ITPRID1: variants seen among roughly 807,000 people sequenced by gnomAD.
ITPRID1 encodes the protein protein ITPRID1.
Under a neutral mutation model 95.4 loss-of-function variants are expected in ITPRID1, and 96 were observed. That is an observed-to-expected ratio of 1.01 (90% confidence interval 0.85 to 1.19). ITPRID1 has a LOEUF of 1.19. Among genes scored for constraint, ITPRID1 ranks in the 50% most tolerant of loss-of-function variants. The probability of loss-of-function intolerance (pLI) is 0.00; values close to 1 mark genes in which losing one functional copy is unlikely to be tolerated. For synonymous variants in ITPRID1, 510 were observed against 453.6 expected (o/e 1.12, Z -1.58); for missense variants, 1,339 against 1,252.9 (o/e 1.07, Z -1.04).
intron 10 of ITPRID1, among the ~76,000 whole-genome samples, chr7:31,601,597 C>T (rs1169651709): frequency 6.6e-6 from 1 of 152,188 alleles, no homozygotes; most frequent in African/African-American, 2.4e-5. Flanking sequence ...ATACTGATTT[C>T]TGTAGTAACA....
intron 6 of ITPRID1, among the ~76,000 whole-genome samples, chr7:31,570,151 A>G (rs1307477504): frequency 2.0e-5 from 3 of 152,340 alleles, no homozygotes; most frequent in Non-Finnish European, 2.9e-5. Context: ...TGGCTAATGT[A>G]ATTGATTATT....
Position 31,632,036 on chromosome 7 carries a change from C to T in ITPRID1, c.1229-10140C>T, listed in dbSNP as rs1443170861. Reference sequence around the variant, plus strand: ...TGAAGGCTTCCAGTAGAAGGTTCCACCATGCTCTTTCCCTGTGGCTTATTC... The same window carrying T: ...TGAAGGCTTCCAGTAGAAGGTTCCATCATGCTCTTTCCCTGTGGCTTATTC... On this transcript the variant is annotated intron_variant, in intron 10 of 14. Coordinates refer to ENST00000615280, the MANE Select transcript of ITPRID1 (RefSeq NM_001257967.3). Among the ~76,000 whole-genome samples, 3 of 152,166 alleles carry T rather than the reference C, an allele frequency of 2.0e-5. No individual in the cohort carries two copies. The East Asian group carries it at 5.8e-4, about 29-fold the overall frequency.
intron 10 of ITPRID1, among the ~76,000 whole-genome samples, chr7:31,611,790 C>G (rs1786880058): frequency 6.6e-6 from 1 of 151,808 alleles, no homozygotes; most frequent in African/African-American, 2.4e-5. Flanking sequence ...TTACAAGATA[C>G]TTTGTCTTTT....
chr7:31,587,179 G>T (rs1785651999), intron 10 of ITPRID1, among the ~76,000 whole-genome samples: 1 of 152,134 alleles, frequency 6.6e-6, no homozygotes, highest in Non-Finnish European at 1.5e-5. Context: ...TATTCAATTA[G>T]GAAAAGAGGA....
intron 10 of ITPRID1, among the ~76,000 whole-genome samples, chr7:31,603,687 G>T (rs1011790611): frequency 6.6e-6 from 1 of 152,064 alleles, no homozygotes; most frequent in African/African-American, 2.4e-5. Flanking sequence ...TTGAATTCAA[G>T]GTCTTTCTTA....
At chr7:31,652,419 A>C in intron 14 of ITPRID1, 99 bp from the exon 15 acceptor site, 1 of 1,466,724 alleles carries the variant, frequency 6.8e-7, no homozygotes, top group South Asian at 1.4e-5. Context: ...CATTCTAGAG[A>C]ATCGACCACC....
At chr7:31,592,890 C>G (rs1785927746) in intron 10 of ITPRID1, among the ~76,000 whole-genome samples, 1 of 152,126 alleles carries the variant, frequency 6.6e-6, no homozygotes, top group South Asian at 2.1e-4. Flanking sequence ...CTAGAATAAG[C>G]AAGGAATAAA....
At chr7:31,616,168 T>C (rs1245975333) in intron 10 of ITPRID1, among the ~76,000 whole-genome samples, 1 of 151,034 alleles carries the variant, frequency 6.6e-6, no homozygotes, top group African/African-American at 2.4e-5. Context: ...CTTACAGTTT[T>C]CAAGAATTAT....
At chr7:31,626,463 A>T (rs1193600106) in intron 10 of ITPRID1, among the ~76,000 whole-genome samples, 1 of 152,158 alleles carries the variant, frequency 6.6e-6, no homozygotes, top group African/African-American at 2.4e-5. Context: ...TTTTCCCACT[A>T]TATTTCTGTT....
intron 10 of ITPRID1, among the ~76,000 whole-genome samples, chr7:31,636,547 A>T (rs1789497896): frequency 6.6e-6 from 1 of 152,082 alleles, no homozygotes; most frequent in South Asian, 2.1e-4. Context: ...TCTTTTACCA[A>T]GGCTCAACCT....
intron 12 of ITPRID1, among the ~76,000 whole-genome samples, chr7:31,649,142 C>T (rs899283657): frequency 2.0e-5 from 3 of 152,220 alleles, no homozygotes; most frequent in Admixed American, 1.3e-4. Flanking sequence ...AGTATAAAAG[C>T]GAGAGGATAG....
intron 1 of ITPRID1, among the ~76,000 whole-genome samples, chr7:31,541,800 T>G (rs1467820752): frequency 6.6e-6 from 1 of 152,190 alleles, no homozygotes; most frequent in African/African-American, 2.4e-5. Flanking sequence ...TTTGACCATA[T>G]GGTAAGATTT....
At position 31,648,591 on chromosome 7, in the gene ITPRID1, A is replaced by G. The variant is rs75436476; in HGVS notation, c.2584-2551A>G. ...AAACACCCCAGTCTTATACCTTTCA[A>G]TCACAAAAGGCTACCCCAAAATAAC... On this transcript the variant is annotated intron_variant, in intron 12 of 14. Transcript: ENST00000615280. 8.2e-3 allele frequency among the ~76,000 whole-genome samples: 1,247 copies of G among 152,250 alleles called. 42 individuals are homozygous for G. Among genetic ancestry groups the G allele is most frequent in the East Asian group, 0.067 (346 of 5,174 alleles).
intron 1 of ITPRID1, among the ~76,000 whole-genome samples, chr7:31,547,262 G>A (rs1423049321): frequency 6.6e-6 from 1 of 152,170 alleles, no homozygotes; most frequent in Non-Finnish European, 1.5e-5. Flanking sequence ...ATATTTTAAT[G>A]GCTCCCGTAT....
intron 1 of ITPRID1, among the ~76,000 whole-genome samples, chr7:31,535,895 T>TGC (rs1011358558): frequency 1.6e-4 from 25 of 152,182 alleles, no homozygotes; most frequent in African/African-American, 5.8e-4. Flanking sequence ...GTCTTTGTCT[T>TGC]CTAGATACTT....
chr7:31,565,839 C>G (rs1674105499), intron 5 of ITPRID1, among the ~76,000 whole-genome samples: 1 of 152,126 alleles, frequency 6.6e-6, no homozygotes, highest in South Asian at 2.1e-4. Flanking sequence ...GACCTGACAT[C>G]CTCTAATTAT....
intron 1 of ITPRID1, among the ~76,000 whole-genome samples, chr7:31,546,107 T>C (rs1461963826): frequency 2.0e-5 from 3 of 152,170 alleles, no homozygotes; most frequent in Non-Finnish European, 4.4e-5. Flanking sequence ...TTATCTCATT[T>C]TGTCTAATTC....
At chr7:31,563,178 A>G (rs2128140469) in intron 5 of ITPRID1, among the ~76,000 whole-genome samples, 2 of 152,336 alleles carry the variant, frequency 1.3e-5, no homozygotes, top group South Asian at 4.1e-4. Flanking sequence ...TATGGTTTTT[A>G]AAAAACAAAG....
chr7:31,658,041 TA>T (rs1791376887), downstream of ITPRID1, among the ~76,000 whole-genome samples: 1 of 152,168 alleles, frequency 6.6e-6, no homozygotes, highest in African/African-American at 2.4e-5. Context: ...TGAGAAACAA[TA>T]CTTGGAAACT....
Sources: allele counts gnomAD v4.1 joint callset (sites outside exome capture counted in the v4.1 genomes callset), GRCh38; gene constraint gnomAD v4.1.1; transcripts MANE v1.5; gene names NCBI Gene and HGNC (gene_info 2026-07-23, HGNC 2026-07-21).